The following COL4A6 variants were observed in gnomAD, a reference collection of about 807,000 sequenced individuals.
COL4A6 encodes the protein collagen type IV alpha 6 chain.
In COL4A6, 59 loss-of-function variants were observed where a neutral mutation model predicts 126.7. The observed-to-expected ratio is 0.47, with a 90% CI of 0.38 to 0.58. The LOEUF (loss-of-function observed/expected upper bound fraction) is 0.58, where lower values mean the gene tolerates loss of function less well. Among genes scored for constraint, COL4A6 ranks in the 20% least tolerant of loss-of-function variants. COL4A6 has a pLI of 0.00. For missense variants in COL4A6, 1,285 were observed against 1,337.3 expected (o/e 0.96, Z 0.61); for synonymous variants, 547 against 496.6 (o/e 1.10, Z -1.35).
intron 3 of COL4A6, among the ~76,000 whole-genome samples, chrX:108,242,673 G>A (rs972337408): frequency 4.5e-5 from 5 of 111,814 alleles, no homozygotes; most frequent in African/African-American, 1.6e-4. Context: ...AAGAACAAGA[G>A]GACTATACTC....
intron 3 of COL4A6, among the ~76,000 whole-genome samples, chrX:108,262,231 G>C (rs2037182071): frequency 9.0e-6 from 1 of 111,251 alleles, no homozygotes; most frequent in South Asian, 3.8e-4. Context: ...CTCTGAACCA[G>C]GTGCTAATGT....
chrX:108,191,337 C>A, intron 19 of COL4A6, 56 bp downstream of exon 19: 3 of 1,169,301 alleles, frequency 2.6e-6, no homozygotes, highest in Non-Finnish European at 3.5e-6. Context: ...CATGACTGTT[C>A]TGCAGTCTGG....
At chrX:108,388,378 T>G (rs74701055) in intron 2 of COL4A6, among the ~76,000 whole-genome samples, 7,334 of 111,869 alleles carry the variant, frequency 0.066, 555 homozygotes, top group African/African-American at 0.21. Context: ...TATTAATTAC[T>G]GCCTTAATTT....
Position 108,343,165 on chromosome X carries a change from A to AGT in COL4A6, c.64-32339_64-32338dup, listed in dbSNP as rs55685604. ...TATATATATATATATATATATATATAGTGTGTGTGTGTGTGTGTGTGTGTG... is the reference window on the plus strand; with the variant it reads ...TATATATATATATATATATATATATAGTGTGTGTGTGTGTGTGTGTGTGTGTG... On this transcript the variant is annotated intron_variant, in intron 2 of 44. Transcript: ENST00000334504. Among the ~76,000 whole-genome samples, 90 of 31,402 alleles carry AGT rather than the reference A, an allele frequency of 2.9e-3. 1 individual carries two copies. The highest frequency in any genetic ancestry group is 5.6e-3 in the African/African-American group (62 of 11,031). The allele number at this position is 31,402 out of a possible 115,157, so 27.3% of individuals were successfully genotyped here.
intron 3 of COL4A6, among the ~76,000 whole-genome samples, chrX:108,249,185 T>A (rs2036788643): frequency 9.0e-6 from 1 of 111,187 alleles, no homozygotes; most frequent in African/African-American, 3.3e-5. Context: ...GTGGTAAAAT[T>A]GTCTTCCATG....
chrX:108,343,362 G>A (rs1163623572), intron 2 of COL4A6, among the ~76,000 whole-genome samples: 1 of 109,338 alleles, frequency 9.1e-6, no homozygotes, highest in Non-Finnish European at 1.9e-5. Context: ...TATAGACAAT[G>A]ATATAGGGCA....
intron 13 of COL4A6, among the ~76,000 whole-genome samples, chrX:108,197,870 G>A (rs141943798): frequency 0.011 from 1,184 of 108,047 alleles, 7 homozygotes; most frequent in South Asian, 0.02. Context: ...TCTGCATTTA[G>A]TATAACTGTG....
intron 7 of COL4A6, 79 bp downstream of exon 7, chrX:108,211,593 T>C (rs1386460784): frequency 2.2e-6 from 2 of 899,561 alleles, no homozygotes; most frequent in Non-Finnish European, 3.2e-6. Flanking sequence ...GTTCTGGAAA[T>C]GTTTTCACTG....
intron 2 of COL4A6, among the ~76,000 whole-genome samples, chrX:108,312,431 C>T (rs1046057363): frequency 8.9e-6 from 1 of 112,030 alleles, no homozygotes; most frequent in Non-Finnish European, 1.9e-5. Flanking sequence ...TGTTATTGCA[C>T]ACTTTCCAGT....
intron 2 of COL4A6, among the ~76,000 whole-genome samples, chrX:108,418,813 T>C (rs1189392022): frequency 8.9e-6 from 1 of 112,199 alleles, no homozygotes; most frequent in Non-Finnish European, 1.9e-5. Flanking sequence ...AAATTTAAAT[T>C]ATTGAATCCA....
At chrX:108,221,536 T>C (rs1435360077) in intron 3 of COL4A6, among the ~76,000 whole-genome samples, 162 bp from the exon 4 acceptor site, 1 of 112,693 alleles carries the variant, frequency 8.9e-6, no homozygotes, top group Admixed American at 9.3e-5. Context: ...GAAAAGGCTA[T>C]TTTAGGGATT....
intron 6 of COL4A6, 22 bp from the exon 7 acceptor site, chrX:108,211,762 A>G: frequency 8.6e-7 from 1 of 1,161,767 alleles, no homozygotes. Flanking sequence ...AGTTTAAAAA[A>G]TTGAAGAAAT....
At chrX:108,285,897 G>A (rs1329565508) in intron 3 of COL4A6, among the ~76,000 whole-genome samples, 1 of 111,543 alleles carries the variant, frequency 9.0e-6, no homozygotes, top group Non-Finnish European at 1.9e-5. Flanking sequence ...GGAGTGAGGT[G>A]GTCCCATAGA....
intron 23 of COL4A6, among the ~76,000 whole-genome samples, chrX:108,185,609 G>A (rs928918090): frequency 9.0e-5 from 10 of 111,569 alleles, no homozygotes; most frequent in Non-Finnish European, 1.9e-4. Flanking sequence ...AAGATGATAA[G>A]GTGGAAACAG....
intron 27 of COL4A6, among the ~76,000 whole-genome samples, chrX:108,177,331 C>G (rs775454818): frequency 3.7e-4 from 41 of 112,268 alleles, no homozygotes; most frequent in African/African-American, 1.2e-3. Flanking sequence ...GAATGGAGCT[C>G]TAGGAAGCCA....
At chrX:108,279,017 G>A (rs1489928973) in intron 3 of COL4A6, among the ~76,000 whole-genome samples, 4 of 111,676 alleles carry the variant, frequency 3.6e-5, no homozygotes, top group Non-Finnish European at 7.5e-5. Flanking sequence ...AGGAACAACC[G>A]GTACCAGCCA....
intron 2 of COL4A6, among the ~76,000 whole-genome samples, chrX:108,416,611 G>A (rs1160086260): frequency 9.0e-6 from 1 of 111,707 alleles, no homozygotes; most frequent in South Asian, 3.8e-4. Context: ...AAAATATTTG[G>A]GGCCCTTCTG....
chrX:108,437,856 GCAACCCCC>G, intron 2 of COL4A6, 78 bp downstream of exon 2: 1 of 1,065,868 alleles, frequency 9.4e-7, no homozygotes, highest in African/African-American at 1.8e-5. Flanking sequence ...GAAACTCTCT[GCAACCCCC>G]TAACATAAAT....
chrX:108,161,585 G>T, intron 42 of COL4A6, 34 bp downstream of exon 42: 4 of 241,512 alleles, frequency 1.7e-5, no homozygotes, highest in South Asian at 5.9e-5. Context: ...CACCATCCCC[G>T]CCCCGCCCGC....
Sources: gnomAD v4.1 joint callset for allele counts (sites outside exome capture counted in the v4.1 genomes callset) on GRCh38, gnomAD v4.1.1 for gene constraint, MANE v1.5 for transcripts, NCBI Gene and HGNC (gene_info 2026-07-23, HGNC 2026-07-21) for gene names.